VLDLR: variants seen among roughly 807,000 people sequenced by gnomAD.
The protein encoded by VLDLR is very low-density lipoprotein receptor.
Under a neutral mutation model 112.7 loss-of-function variants are expected in VLDLR, and 81 were observed. The observed-to-expected ratio is 0.72, with a 90% confidence interval of 0.60 to 0.86. The LOEUF (loss-of-function observed/expected upper bound fraction) is 0.86, where lower values mean the gene tolerates loss of function less well. Ranked by LOEUF, VLDLR falls within the 40% of genes least tolerant of loss-of-function variation. The pLI, the probability that VLDLR is intolerant of heterozygous loss-of-function variation, is 0.00. For missense variants in VLDLR, 1,237 were observed against 1,099.4 expected, an observed-to-expected ratio of 1.13 and a Z score of -1.77; for synonymous variants, 436 against 384.8, an observed-to-expected ratio of 1.13 and a Z score of -1.56.
chr9:2,637,858 G>C (rs796733279), intron 2 of VLDLR, among the ~76,000 whole-genome samples: 4 of 152,252 alleles, frequency 2.6e-5, no homozygotes, highest in African/African-American at 9.6e-5. Flanking sequence ...CAGGAGAATG[G>C]CGTGAACCCG....
intron 18 of VLDLR, 123 bp downstream of exon 18, chr9:2,653,072 G>A: frequency 7.8e-7 from 1 of 1,279,094 alleles, no homozygotes. Context: ...TCTGCTACCT[G>A]GCTATTAGAC....
rs928652757 is a variant in VLDLR, at chr9:2,648,665, T to G, written c.1963-4T>G. 1 of 1,614,084 alleles carries G rather than the reference T, an allele frequency of 6.2e-7. No individual in the cohort carries two copies. The highest frequency in any genetic ancestry group is 1.3e-5 in the African/African-American group (1 of 74,924). On this transcript the variant is annotated splice_polypyrimidine_tract_variant and splice_region_variant and intron_variant, in intron 13 of 18. Transcript: ENST00000382100. ...TACATGCTAATTGTGGGCTTCTGTT[T>G]TAGGATCGTGTCTACTGGATAGATG...
At chr9:2,626,186 T>A (rs923471935) in intron 1 of VLDLR, among the ~76,000 whole-genome samples, 5 of 152,242 alleles carry the variant, frequency 3.3e-5, no homozygotes, top group Non-Finnish European at 4.4e-5. Flanking sequence ...TTTTGGGACA[T>A]TCACACATAC....
chr9:2,629,040 G>A (rs1374789185), intron 1 of VLDLR, among the ~76,000 whole-genome samples: 1 of 152,164 alleles, frequency 6.6e-6, no homozygotes, highest in Admixed American at 6.5e-5. Flanking sequence ...AGTGTGGACC[G>A]AAATTGGCAA....
At chr9:2,628,558 G>C (rs1312238538) in intron 1 of VLDLR, among the ~76,000 whole-genome samples, 1 of 152,158 alleles carries the variant, frequency 6.6e-6, no homozygotes, top group Non-Finnish European at 1.5e-5. Flanking sequence ...GCTATTCTAG[G>C]TTGCTTGAAT....
At chr9:2,622,647 G>C (rs1816870217) in intron 1 of VLDLR, among the ~76,000 whole-genome samples, 1 of 152,262 alleles carries the variant, frequency 6.6e-6, no homozygotes, top group Non-Finnish European at 1.5e-5. Context: ...TTGGGAAGGA[G>C]GCAGAGGGCC....
Position 2,653,820 on chromosome 9 carries a change from T to C in VLDLR, c.2587-13T>C. ...GATCACCAAGCTCATTCTATACTTC[T>C]TCTTTTCCACAGATATCAGTTGTAA... is the stretch of plus-strand genomic sequence containing the variant. On this transcript the variant is annotated splice_polypyrimidine_tract_variant and intron_variant, in intron 18 of 18. Coordinates refer to ENST00000382100, the MANE Select transcript of VLDLR (RefSeq NM_003383.5). 1.9e-6 allele frequency: 3 copies of C among 1,613,942 alleles called. No individual in the cohort carries two copies. The highest frequency in any genetic ancestry group is 1.7e-6 in the Non-Finnish European group (2 of 1,179,828).
Position 2,621,961 on chromosome 9 carries a change from C to T in VLDLR, c.-229C>T. On this transcript the variant is annotated 5_prime_UTR_variant, in exon 1 of 19. Transcript: ENST00000382100. ...CCCGCAGGCTCGGCTTGCACTGCTG[C>T]TGCAGCCCGGGGAGGTGGCTGGGTG... 6 of 661,256 alleles carry T rather than the reference C, an allele frequency of 9.1e-6. No homozygotes were observed. In the South Asian group the frequency reaches 9.4e-5, roughly 10 times the overall value. 41.0% of individuals were successfully genotyped at this position (661,256 alleles called of 1,614,324 possible).
intron 2 of VLDLR, among the ~76,000 whole-genome samples, chr9:2,638,475 G>A (rs1029238790): frequency 1.3e-5 from 2 of 152,110 alleles, no homozygotes; most frequent in African/African-American, 4.8e-5. Context: ...ATGTTATAGA[G>A]GAATGTTTTA....
At chr9:2,630,636 G>A (rs531912378) in intron 1 of VLDLR, among the ~76,000 whole-genome samples, 12 of 152,308 alleles carry the variant, frequency 7.9e-5, no homozygotes, top group African/African-American at 2.9e-4. Context: ...TTTACTCGAA[G>A]GCCTATGCAG....
rs1814329460 is a variant in VLDLR, at chr9:2,658,511, G to A, written c.*4643G>A. Reference sequence around the variant, plus strand: ...TTTCTTCACTGCGCTCAAGGAAAAAGTCAGATGGGTGACAAGGTGGTTCTG... The same window carrying A: ...TTTCTTCACTGCGCTCAAGGAAAAAATCAGATGGGTGACAAGGTGGTTCTG... On this transcript the variant is annotated 3_prime_UTR_variant, in exon 19 of 19. Transcript: ENST00000382100. The A allele has an allele frequency of 6.6e-6, 1 of 152,166 alleles. No individual in the cohort carries two copies. Among genetic ancestry groups the A allele is most frequent in the Non-Finnish European group, 1.5e-5 (1 of 68,028 alleles). 9.4% of individuals were successfully genotyped at this position (152,166 alleles called of 1,614,324 possible). A position where few individuals can be genotyped will look rare whatever the true frequency, so the allele number is the denominator to read the frequency against.
chr9:2,637,993 G>C (rs899461912), intron 2 of VLDLR, among the ~76,000 whole-genome samples: 14 of 151,894 alleles, frequency 9.2e-5, no homozygotes, highest in Non-Finnish European at 1.6e-4. Context: ...TCAATCATGG[G>C]GTCTCTTTAC....
At chr9:2,622,662 C>A (rs1481035159) in intron 1 of VLDLR, among the ~76,000 whole-genome samples, 5 of 152,234 alleles carry the variant, frequency 3.3e-5, no homozygotes, top group African/African-American at 1.2e-4. Context: ...AGGGCCAAGA[C>A]GTGTGCGGCA....
Position 2,622,195 on chromosome 9 carries a change from C to CA in VLDLR, c.7dup (p.Thr3AsnfsTer32). ...GCACCATCCAGGCGGGCACCATGGGCACGTCCGCGCTCTGGGCGCTCTGGC... is the reference window on the plus strand; with the variant it reads ...GCACCATCCAGGCGGGCACCATGGGCAACGTCCGCGCTCTGGGCGCTCTGGC... On this transcript the variant is annotated frameshift_variant, in exon 1 of 19. Coordinates refer to ENST00000382100, the MANE Select transcript of VLDLR (RefSeq NM_003383.5). LOFTEE classifies it high-confidence loss of function. 6.7e-7 allele frequency: 1 copy of CA among 1,496,954 alleles called. No individual in the cohort carries two copies. Among genetic ancestry groups the CA allele is most frequent in the Non-Finnish European group, 8.9e-7 (1 of 1,129,756 alleles). The allele number at this position is 1,496,954 out of a possible 1,614,324, so 92.7% of individuals were successfully genotyped here.
chr9:2,646,631 C>A, intron 11 of VLDLR, 79 bp downstream of exon 11: 1 of 1,302,300 alleles, frequency 7.7e-7, no homozygotes, highest in Non-Finnish European at 1.1e-6. Context: ...TGAATTAGTA[C>A]TCAAATCTCA....
rs1818594750 is a variant in VLDLR at position 2,656,109 on chromosome 9, T to G, written c.*2241T>G. The G allele has an allele frequency of 6.6e-6, 1 of 152,212 alleles. No individual in the cohort carries two copies. 9.4% of individuals were successfully genotyped at this position (152,212 alleles called of 1,614,324 possible). ...AGTATTATTCTCTATCATCATCTTT[T>G]GAATTCCTGTCCCTAGTATGTTCTT... is the stretch of plus-strand genomic sequence containing the variant. On this transcript the variant is annotated 3_prime_UTR_variant, in exon 19 of 19. Coordinates refer to ENST00000382100, the MANE Select transcript of VLDLR (RefSeq NM_003383.5).
chr9:2,648,100 C>G (rs1818153334), intron 12 of VLDLR, 108 bp from the exon 13 acceptor site: 12 of 1,494,316 alleles, frequency 8.0e-6, no homozygotes, highest in Non-Finnish European at 9.2e-6. Context: ...TTAAGAAACC[C>G]TGCTGGGGAA....
chr9:2,641,968 GAAAA>G (rs57594382), intron 4 of VLDLR, among the ~76,000 whole-genome samples: 74 of 106,546 alleles, frequency 6.9e-4, no homozygotes, highest in African/African-American at 1.9e-3. Context: ...AACTTTCCCA[GAAAA>G]AAAAAAAAAA....
At chr9:2,640,071 A>G in intron 3 of VLDLR, 90 bp downstream of exon 3, 3 of 1,608,156 alleles carry the variant, frequency 1.9e-6, no homozygotes, top group East Asian at 2.2e-5. Flanking sequence ...CTTGGTATTC[A>G]TTTTTCTTTG....
Sources: allele counts gnomAD v4.1 joint callset (sites outside exome capture counted in the v4.1 genomes callset), GRCh38; gene constraint gnomAD v4.1.1; transcripts MANE v1.5; gene names NCBI Gene and HGNC (gene_info 2026-07-23, HGNC 2026-07-21).